Variants in PLXNB2 observed in about 807,000 individuals in gnomAD.
The protein encoded by PLXNB2 is plexin-B2.
Under a neutral mutation model 202.6 loss-of-function variants are expected in PLXNB2, and 85 were observed. The observed-to-expected ratio is 0.42, with a 90% CI of 0.35 to 0.50. The LOEUF (loss-of-function observed/expected upper bound fraction) is 0.50, where lower values mean the gene tolerates loss of function less well. Ranked by LOEUF, PLXNB2 falls within the 20% of genes least tolerant of loss-of-function variation. The pLI is 0.02. For synonymous variants in PLXNB2, 1,239 were observed against 1,137.6 expected (o/e 1.09, Z -1.79); for missense variants, 2,063 against 2,586.2 (o/e 0.80, Z 4.39).
chr22:50,283,275 C>A (rs955494428), intron 16 of PLXNB2, 62 bp downstream of exon 16: 3 of 1,604,030 alleles, frequency 1.9e-6, no homozygotes, highest in Admixed American at 1.7e-5. Context: ...GGGGAGGCGG[C>A]GGGCAGAGCC....
chr22:50,278,686 C>A lies in PLXNB2; in HGVS notation c.4557G>T (p.Pro1519=). 1.2e-6 allele frequency: 2 copies of A among 1,610,986 alleles called. No individual in the cohort carries two copies. The highest frequency in any genetic ancestry group is 2.2e-5 in the East Asian group (1 of 44,738). ...RPDSVVLEWR[P]GSTAQILSDL... is the part of the protein sequence containing the mutation. ...CCGACAGGATCTGCGCTGTGGAGCCCGGACGCCACTCTGTGGGAAGAGACA... is the reference window on the plus strand; with the variant it reads ...CCGACAGGATCTGCGCTGTGGAGCCAGGACGCCACTCTGTGGGAAGAGACA... The change falls in exon 29 of 37, where the codon CCG becomes CCT. Residue 1519 remains proline (P), a synonymous_variant. Coordinates refer to ENST00000359337, the MANE Select transcript of PLXNB2 (RefSeq NM_012401.4).
chr22:50,296,229 C>CACA (rs57020229), intron 1 of PLXNB2, among the ~76,000 whole-genome samples: 2 of 145,806 alleles, frequency 1.4e-5, no homozygotes, highest in Non-Finnish European at 3.0e-5. Flanking sequence ...CACACACACA[C>CACA]AATAAAAAAG....
At chr22:50,292,735 G>A (rs2066969102) in intron 2 of PLXNB2, among the ~76,000 whole-genome samples, 2 of 151,918 alleles carry the variant, frequency 1.3e-5, no homozygotes, top group Admixed American at 6.5e-5. Flanking sequence ...ACCTGCCCGT[G>A]GCAACCCCCC....
chr22:50,284,276 C>T lies in PLXNB2; in HGVS notation c.2182-63G>A. On this transcript the variant is annotated intron_variant, in intron 12 of 36. Coordinates refer to ENST00000359337, the MANE Select transcript of PLXNB2 (RefSeq NM_012401.4). The surrounding 1 kb of genome is among the most constrained non-coding windows in gnomAD (Gnocchi z 8.0). ...CCACAGAGGGGCGTGGGGCGGGGGTCACAAGGGCAGCCTCCCTGTGGCCAC... is the reference window on the plus strand; with the variant it reads ...CCACAGAGGGGCGTGGGGCGGGGGTTACAAGGGCAGCCTCCCTGTGGCCAC... The T allele has an allele frequency of 1.4e-6, 2 of 1,478,960 alleles. No homozygotes were observed. The highest frequency in any genetic ancestry group is 1.9e-6 in the Non-Finnish European group (2 of 1,061,072). The allele number at this position is 1,478,960 out of a possible 1,614,324, so 91.6% of individuals were successfully genotyped here.
chr22:50,275,595 G>A lies in PLXNB2; in HGVS notation c.*109C>T, dbSNP rs533551154. On this transcript the variant is annotated 3_prime_UTR_variant, in exon 37 of 37. Transcript: ENST00000359337. ...CTGCACCCACTCCGGCTTGGGGCGC[G>A]TTCCAGGGGAGGGTGGGGGCCTCAG... 3.4e-5 allele frequency: 26 copies of A among 755,858 alleles called. No homozygotes were observed. The highest frequency in any genetic ancestry group is 2.6e-4 in the African/African-American group (15 of 57,058). The allele number at this position is 755,858 out of a possible 1,614,324, so 46.8% of individuals were successfully genotyped here. A position where few individuals can be genotyped will look rare whatever the true frequency, so the allele number is the denominator to read the frequency against.
intron 33 of PLXNB2, among the ~76,000 whole-genome samples, chr22:50,277,282 CAGAG>C (rs1005096084): frequency 5.5e-5 from 8 of 146,730 alleles, no homozygotes; most frequent in African/African-American, 2.0e-4. Flanking sequence ...GCCTGGGCGA[CAGAG>C]AGAGACTCCA....
intron 1 of PLXNB2, among the ~76,000 whole-genome samples, chr22:50,305,770 A>C (rs2067861389): frequency 6.6e-6 from 1 of 151,840 alleles, no homozygotes; most frequent in Non-Finnish European, 1.5e-5. Context: ...GGCTCTTCAG[A>C]CCACCATTGA....
chr22:50,289,169 G>A lies in PLXNB2; in HGVS notation c.1069-27C>T. 1 of 1,529,428 alleles carries A rather than the reference G, an allele frequency of 6.5e-7. No homozygotes were observed. Among genetic ancestry groups the A allele is most frequent in the Admixed American group, 1.9e-5 (1 of 52,562 alleles). 94.7% of individuals were successfully genotyped at this position (1,529,428 alleles called of 1,614,324 possible). On this transcript the variant is annotated intron_variant, in intron 3 of 36. Transcript: ENST00000359337. This position sits in a 1 kb window ranked among gnomAD's most constrained non-coding sequence, Gnocchi z 8.0. ...TGCGGACCACAGCGTGTCAATGGCA[G>A]GCAGACCCCCTGTCCTGAAGGGCCC... is the stretch of plus-strand genomic sequence containing the variant.
At chr22:50,281,522 C>A in intron 21 of PLXNB2, 23 bp from the exon 22 acceptor site, 1 of 1,608,174 alleles carries the variant, frequency 6.2e-7, no homozygotes, top group African/African-American at 1.3e-5. Flanking sequence ...CCGGGTTCAG[C>A]GCGGTCCCGT....
Position 50,284,548 on chromosome 22 carries a change from G to A in PLXNB2, c.2181+25C>T, listed in dbSNP as rs778239377. On this transcript the variant is annotated intron_variant, in intron 12 of 36. Transcript: ENST00000359337. This position sits in a 1 kb window ranked among gnomAD's most constrained non-coding sequence, Gnocchi z 8.0. ...CCCGGGGCCCTGGGGTCCAGCAGCC[G>A]AGCCGGCCTGCCCTGGAGCCGTACC... 348 of 1,517,272 alleles carry A rather than the reference G, an allele frequency of 2.3e-4. 1 individual carries two copies. Among genetic ancestry groups the A allele is most frequent in the Non-Finnish European group, 2.8e-4 (308 of 1,116,600 alleles). 94.0% of individuals were successfully genotyped at this position (1,517,272 alleles called of 1,614,324 possible).
Position 50,297,488 on chromosome 22 carries a change from G to T in PLXNB2, c.-73-2710C>A, listed in dbSNP as rs1329946295. 3.9e-5 allele frequency among the ~76,000 whole-genome samples: 6 copies of T among 152,128 alleles called. No homozygotes were observed. Among genetic ancestry groups the T allele is most frequent in the African/African-American group, 1.4e-4 (6 of 41,420 alleles). ...ACGGCCATGGATTTCCCCTCCCAGA[G>T]AATAACACCATGATCCCTCCACCCT... On this transcript the variant is annotated intron_variant, in intron 1 of 36. Transcript: ENST00000359337. This position sits in a 1 kb window ranked among gnomAD's most constrained non-coding sequence, Gnocchi z 5.3.
Position 50,280,659 on chromosome 22 carries a change from G to A in PLXNB2, c.4005C>T (p.Thr1335=), listed in dbSNP as rs2065918209. The change falls in exon 25 of 37, where the codon ACC becomes ACT. Residue 1335 remains threonine (T), a synonymous_variant. Coordinates refer to ENST00000359337, the MANE Select transcript of PLXNB2 (RefSeq NM_012401.4). ...SKSFLINFIH[T]LENQREFSAR... The stretch of plus-strand genomic sequence containing the variant: ...CCGAGAACTCCCGCTGGTTCTCCAG[G>A]GTGTGGATGAACTGTAGGGGCCGGC... 2.5e-6 allele frequency: 4 copies of A among 1,612,056 alleles called. No individual in the cohort carries two copies. Among genetic ancestry groups the A allele is most frequent in the South Asian group, 2.2e-5 (2 of 91,062 alleles).
At chr22:50,281,337 G>T (rs2065974754) in intron 22 of PLXNB2, 23 bp downstream of exon 22, 2 of 1,610,004 alleles carry the variant, frequency 1.2e-6, no homozygotes, top group Non-Finnish European at 1.7e-6. Context: ...CAGGGTGTTG[G>T]CACAGCCGGG....
rs188067722 is a variant in PLXNB2, at chr22:50,294,370, G to A, written c.-14+349C>T. Among the ~76,000 whole-genome samples the A allele has an allele frequency of 7.2e-5, 11 of 152,098 alleles. No individual in the cohort carries two copies. The East Asian group carries it at 7.7e-4, about 11-fold the overall frequency. On this transcript the variant is annotated intron_variant, in intron 2 of 36. Coordinates refer to ENST00000359337, the MANE Select transcript of PLXNB2 (RefSeq NM_012401.4). ...CTCCAGCTGCTGCTGCCCACAAAGC[G>A]TCTGCACAGGCACCCCCCCACCACA...
chr22:50,277,444 C>A, intron 33 of PLXNB2, 147 bp downstream of exon 33: 1 of 797,480 alleles, frequency 1.3e-6, no homozygotes, highest in African/African-American at 1.8e-5. Flanking sequence ...CCTGTGCCCC[C>A]AGCCTCCGCC....
At chr22:50,295,694 A>C (rs2067212337) in intron 1 of PLXNB2, among the ~76,000 whole-genome samples, 2 of 152,180 alleles carry the variant, frequency 1.3e-5, no homozygotes, top group African/African-American at 4.8e-5. Flanking sequence ...ACTGTGGAAG[A>C]CTACATGGTA....
chr22:50,285,006 T>C (rs1165203926), intron 11 of PLXNB2: 1 of 447,746 alleles, frequency 2.2e-6, no homozygotes, highest in African/African-American at 2.0e-5. Flanking sequence ...CACGCCTGCC[T>C]CCTCCACTGC....
chr22:50,285,119 G>T (rs2066326984), intron 11 of PLXNB2, among the ~76,000 whole-genome samples: 1 of 152,090 alleles, frequency 6.6e-6, no homozygotes, highest in Admixed American at 6.5e-5. Context: ...GAGTCGGGGG[G>T]CACGGGTGGA....
At chr22:50,282,612 A>G (rs2066084918) in intron 18 of PLXNB2, 99 bp downstream of exon 18, 3 of 876,456 alleles carry the variant, frequency 3.4e-6, no homozygotes, top group Non-Finnish European at 5.1e-6. Context: ...CGCTGCACAG[A>G]CCAGCCCCAC....
Sources: gnomAD v4.1 joint callset for allele counts (sites outside exome capture counted in the v4.1 genomes callset) on GRCh38, gnomAD v4.1.1 for gene constraint, Gnocchi (gnomAD v3.1) non-coding constraint, MANE v1.5 for transcripts, NCBI Gene and HGNC (gene_info 2026-07-23, HGNC 2026-07-21) for gene names.